Variants in NTNG2 observed in about 807,000 individuals in gnomAD.
NTNG2 encodes the protein netrin-G2.
In NTNG2, 15 loss-of-function variants were observed where a neutral mutation model predicts 47.6. The ratio of observed to expected loss-of-function variants is 0.32; its 90% CI spans 0.21 to 0.49. NTNG2 has a LOEUF of 0.49. Ranked by LOEUF, NTNG2 falls within the 20% of genes least tolerant of loss-of-function variation. The pLI is 0.99. For synonymous variants in NTNG2, 307 were observed against 324.6 expected (o/e 0.95, Z 0.58); for missense variants, 578 against 764.6 (o/e 0.76, Z 2.88).
chr9:132,241,149 G>A (rs1841955262), intron 7 of NTNG2, 105 bp downstream of exon 7: 1 of 1,372,926 alleles, frequency 7.3e-7, no homozygotes, highest in African/African-American at 1.5e-5. Flanking sequence ...CGGTGGACTG[G>A]GCCTAGCAAG....
intron 2 of NTNG2, among the ~76,000 whole-genome samples, chr9:132,174,921 C>CA (rs10656671): frequency 0.52 from 75,925 of 146,874 alleles, 20,084 homozygotes; most frequent in African/African-American, 0.67. Context: ...GACTCTGTCT[C>CA]AAAAAAAAAA....
At chr9:132,196,570 A>T (rs1295850832) in intron 2 of NTNG2, among the ~76,000 whole-genome samples, 1 of 152,186 alleles carries the variant, frequency 6.6e-6, no homozygotes, top group African/African-American at 2.4e-5. Flanking sequence ...TCACTGTCCT[A>T]AAAATGCCCT....
chr9:132,195,255 G>A (rs1038470103), intron 2 of NTNG2, among the ~76,000 whole-genome samples: 14 of 151,066 alleles, frequency 9.3e-5, no homozygotes, highest in African/African-American at 3.4e-4. Flanking sequence ...TCCACATCTT[G>A]CATTAGTGGG....
chr9:132,175,353 G>A (rs142749895), intron 2 of NTNG2, among the ~76,000 whole-genome samples: 1 of 152,334 alleles, frequency 6.6e-6, no homozygotes, highest in Non-Finnish European at 1.5e-5. Context: ...GAAGGAGCAA[G>A]AGGGGCAGGA....
chr9:132,210,163 C>T (rs544837605), intron 3 of NTNG2, among the ~76,000 whole-genome samples: 17 of 152,114 alleles, frequency 1.1e-4, no homozygotes, highest in African/African-American at 3.9e-4. Context: ...ACGGTGCCAG[C>T]GAGCAGCCTG....
chr9:132,210,769 G>A (rs1342987262), intron 3 of NTNG2, among the ~76,000 whole-genome samples: 2 of 152,178 alleles, frequency 1.3e-5, no homozygotes, highest in African/African-American at 4.8e-5. Context: ...TCTGCCCCTG[G>A]GCTGGGCTGC....
rs184457487 is a variant in NTNG2, at chr9:132,235,766, G to A, written c.1055-3338G>A. On this transcript the variant is annotated intron_variant, in intron 5 of 7. Coordinates refer to ENST00000393229, the MANE Select transcript of NTNG2 (RefSeq NM_032536.4). ...GATGGGCCTGAGACCCCGGGGAAGCGCCCTCTTAGACTCGTAGGCCCCTCC... is the reference window on the plus strand; with the variant it reads ...GATGGGCCTGAGACCCCGGGGAAGCACCCTCTTAGACTCGTAGGCCCCTCC... Among the ~76,000 whole-genome samples the A allele has an allele frequency of 2.0e-3, 302 of 152,342 alleles. 2 individuals are homozygous for A. The highest frequency in any genetic ancestry group is 0.017 in the Middle Eastern group (5 of 294).
At chr9:132,239,989 C>A (rs1004727057) in intron 6 of NTNG2, among the ~76,000 whole-genome samples, 1 of 152,252 alleles carries the variant, frequency 6.6e-6, no homozygotes, top group African/African-American at 2.4e-5. Flanking sequence ...GGCCCTGGGC[C>A]TGGGCAAAGA....
At chr9:132,229,583 G>A (rs567558448) in intron 4 of NTNG2, among the ~76,000 whole-genome samples, 10 of 152,284 alleles carry the variant, frequency 6.6e-5, no homozygotes, top group Admixed American at 3.3e-4. Flanking sequence ...AGCCTCACTT[G>A]GTCACCACCC....
chr9:132,205,772 T>C (rs1839124474), intron 3 of NTNG2, among the ~76,000 whole-genome samples: 1 of 151,984 alleles, frequency 6.6e-6, no homozygotes, highest in South Asian at 2.1e-4. Context: ...TCCCACCTAC[T>C]TGGGAAGCCG....
At position 132,198,298 on chromosome 9, in the gene NTNG2, C is replaced by T. The variant is rs1258171417; in HGVS notation, c.546C>T (p.Ala182=). The change falls in exon 3 of 8, where the codon GCC becomes GCT. Residue 182 remains alanine, a synonymous_variant. Transcript: ENST00000393229. The part of the protein sequence containing the change: ...MEAFGMSARR[A]RDMSSSSAHR... ...CCTTCGGTATGTCCGCCCGCCGGGC[C>T]CGCGACATGTCATCCTCCAGCGCGC... 12 of 1,612,876 alleles carry T rather than the reference C, an allele frequency of 7.4e-6. No homozygotes were observed. The highest frequency in any genetic ancestry group is 3.3e-5 in the Admixed American group (2 of 60,004).
At chr9:132,232,826 T>C (rs1485632053) in intron 5 of NTNG2, 1 of 152,264 alleles carries the variant, frequency 6.6e-6, no homozygotes, top group Non-Finnish European at 1.5e-5. Flanking sequence ...GGGTGGCATT[T>C]CTAAAGGGCA....
chr9:132,237,075 A>AGGTCTTAGCAGGGC (rs1841683779), intron 5 of NTNG2, among the ~76,000 whole-genome samples: 1 of 152,190 alleles, frequency 6.6e-6, no homozygotes, highest in East Asian at 1.9e-4. Context: ...GCTTCCAAGA[A>AGGTCTTAGCAGGGC]GGTCTTAGCA....
At chr9:132,240,802 C>T in intron 6 of NTNG2, 108 bp from the exon 7 acceptor site, 1 of 1,527,496 alleles carries the variant, frequency 6.5e-7, no homozygotes. Context: ...TGGGGAGCAT[C>T]CCCTGGGGAG....
intron 3 of NTNG2, among the ~76,000 whole-genome samples, chr9:132,217,120 A>T (rs765426029): frequency 6.6e-6 from 1 of 152,220 alleles, no homozygotes; most frequent in Non-Finnish European, 1.5e-5. Context: ...CCCTTGACCC[A>T]TCTGAGCCTC....
chr9:132,234,163 G>C (rs1484135628), intron 5 of NTNG2, among the ~76,000 whole-genome samples: 1 of 152,004 alleles, frequency 6.6e-6, no homozygotes, highest in African/African-American at 2.4e-5. Flanking sequence ...CGAGTAGCTG[G>C]GATTACAGGC....
chr9:132,237,921 G>A (rs1236738831), intron 5 of NTNG2, among the ~76,000 whole-genome samples: 2 of 152,228 alleles, frequency 1.3e-5, no homozygotes, highest in Non-Finnish European at 2.9e-5. Context: ...GGGACAAAGT[G>A]AAGGGGGCAG....
chr9:132,210,101 C>T (rs1839481584), intron 3 of NTNG2, among the ~76,000 whole-genome samples: 2 of 152,096 alleles, frequency 1.3e-5, no homozygotes, highest in African/African-American at 4.8e-5. Context: ...CAGGGTGGCC[C>T]ACCCTGGTGG....
chr9:132,187,469 G>A (rs1424992788), intron 2 of NTNG2, among the ~76,000 whole-genome samples: 3 of 152,082 alleles, frequency 2.0e-5, no homozygotes, highest in African/African-American at 4.8e-5. Flanking sequence ...ACACCTGCAC[G>A]CTGGGGAAGG....
Sources: gnomAD v4.1 joint callset for allele counts (sites outside exome capture counted in the v4.1 genomes callset) on GRCh38, gnomAD v4.1.1 for gene constraint, MANE v1.5 for transcripts, NCBI Gene and HGNC (gene_info 2026-07-23, HGNC 2026-07-21) for gene names.